Variants in CCPG1 observed in about 807,000 individuals in gnomAD.
CCPG1 encodes cell cycle progression protein 1.
In CCPG1, 46 loss-of-function variants were observed where a neutral mutation model predicts 81.3. The observed-to-expected ratio is 0.57, with a 90% CI of 0.45 to 0.72. The LOEUF (loss-of-function observed/expected upper bound fraction) is 0.72. Ranked by LOEUF, CCPG1 falls within the 30% of genes least tolerant of loss-of-function variation. The pLI, the probability that CCPG1 is intolerant of heterozygous loss-of-function variation, is 0.00. For missense variants in CCPG1, 902 were observed against 937.6 expected, an observed-to-expected ratio of 0.96 and a Z score of 0.50; for synonymous variants, 330 against 305.2, an observed-to-expected ratio of 1.08 and a Z score of -0.85.
At chr15:55,408,132 G>T (rs1454905338) in intron 1 of CCPG1, 89 bp downstream of exon 1, 1 of 152,640 alleles carries the variant, frequency 6.6e-6, no homozygotes, top group Non-Finnish European at 1.5e-5. Flanking sequence ...CCCCGCCACT[G>T]CTCCTCTACT....
chr15:55,401,660 C>T (rs2057131733), intron 1 of CCPG1, among the ~76,000 whole-genome samples: 1 of 76,084 alleles, frequency 1.3e-5, no homozygotes, highest in Non-Finnish European at 2.4e-5. Context: ...AATGAAACTC[C>T]GTCTCAAAAA....
intron 1 of CCPG1, among the ~76,000 whole-genome samples, chr15:55,391,593 A>C (rs1034995836): frequency 2.6e-5 from 4 of 152,214 alleles, no homozygotes; most frequent in African/African-American, 9.6e-5. Flanking sequence ...GGAAAGGAGA[A>C]TGATCAAGGA....
intron 6 of CCPG1, 149 bp downstream of exon 6, chr15:55,371,644 G>A (rs929586066): frequency 1.1e-5 from 8 of 697,012 alleles, no homozygotes; most frequent in South Asian, 4.4e-5. Flanking sequence ...CCCACTTCCC[G>A]AATGAGAAAA....
At chr15:55,374,308 G>A (rs544852468) in intron 5 of CCPG1, 75 of 853,400 alleles carry the variant, frequency 8.8e-5, no homozygotes, top group Middle Eastern at 8.2e-4. Flanking sequence ...AGACTAAAAA[G>A]AAAAAAAAGA....
At chr15:55,400,149 G>A (rs2057099748) in intron 1 of CCPG1, among the ~76,000 whole-genome samples, 1 of 138,504 alleles carries the variant, frequency 7.2e-6, no homozygotes, top group South Asian at 2.3e-4. Context: ...AGTGGAGGTT[G>A]CACTGAGCCG....
At chr15:55,384,269 G>A (rs947104492) in intron 3 of CCPG1, among the ~76,000 whole-genome samples, 33 of 152,098 alleles carry the variant, frequency 2.2e-4, no homozygotes, top group Admixed American at 1.8e-3. Context: ...TCATAGGCAC[G>A]GTTCATGGTG....
At chr15:55,401,810 A>G (rs1173093545) in intron 1 of CCPG1, among the ~76,000 whole-genome samples, 1 of 152,206 alleles carries the variant, frequency 6.6e-6, no homozygotes, top group African/African-American at 2.4e-5. Context: ...TATTCTGTAC[A>G]ATAAAGACAC....
chr15:55,358,711 T>A (rs760320904), intron 8 of CCPG1: 113 of 985,334 alleles, frequency 1.1e-4, no homozygotes, highest in Non-Finnish European at 1.3e-4. Flanking sequence ...TTAATTTCAT[T>A]TATTTACTTA....
At position 55,360,131 on chromosome 15, in the gene CCPG1, C is replaced by A; in HGVS notation, c.1642G>T (p.Gly548Cys). The change falls in exon 8 of 9, where the codon GGT becomes TGT. Residue 548 changes from glycine (G) to cysteine (C), a missense_variant. By Grantham distance (159) the Gly-to-Cys change is radical (BLOSUM62 -3). Around this residue, in one of 3 missense-constraint regions of CCPG1, gnomAD observed 746 missense variants for 728.6 expected, o/e 1.02. Coordinates refer to ENST00000442196, the MANE Select transcript of CCPG1 (RefSeq NM_001204450.2). ...DTTKNIFDEK[G>C]NKRFGATKEA... ...TTTGTAGCACCAAATCTTTTATTAC[C>A]CTTTTCATCAAAGATATTCTTGGTG... is the stretch of plus-strand genomic sequence containing the variant. 6.2e-7 allele frequency: 1 copy of A among 1,613,028 alleles called. No homozygotes were observed. The highest frequency in any genetic ancestry group is 8.5e-7 in the Non-Finnish European group (1 of 1,179,742).
rs2056459529 is a variant in CCPG1, at chr15:55,372,013, T to C, written c.486A>G (p.Ser162=). 6.2e-7 allele frequency: 1 copy of C among 1,614,004 alleles called. No homozygotes were observed. Among genetic ancestry groups the C allele is most frequent in the African/African-American group, 1.3e-5 (1 of 75,042 alleles). ...VFSSQPSDDE[S]SSDETSNQPS... ...GCTGATTACTGGTTTCATCACTACTTGATTCATCGTCACTAGGCTGAGATG... is the reference window on the plus strand; with the variant it reads ...GCTGATTACTGGTTTCATCACTACTCGATTCATCGTCACTAGGCTGAGATG... The change falls in exon 6 of 9, where the codon TCA becomes TCG. Residue 162 remains serine (S), a synonymous_variant. Transcript: ENST00000442196.
In CCPG1 at chr15:55,408,293, A is replaced by G. The variant is rs58223678; in HGVS notation, c.-82T>C. The G allele has an allele frequency of 0.021, 3,197 of 154,112 alleles. 99 individuals are homozygous for G. The highest frequency in any genetic ancestry group is 0.07 in the African/African-American group (2,895 of 41,616). 9.5% of individuals were successfully genotyped at this position (154,112 alleles called of 1,614,324 possible). On this transcript the variant is annotated 5_prime_UTR_variant, in exon 1 of 9. Transcript: ENST00000442196. ...GGCGGCGGTCACAGCTCGGGCGCCA[A>G]TGACGCCTCTTATAAAAACAACCTG...
chr15:55,375,574 A>G (rs2056548145), intron 5 of CCPG1, among the ~76,000 whole-genome samples: 1 of 152,240 alleles, frequency 6.6e-6, no homozygotes, highest in Admixed American at 6.5e-5. Flanking sequence ...CAAGAATGTC[A>G]CATGAATATT....
rs373089297 is a variant in CCPG1, at chr15:55,377,959, T to C, written c.252+341A>G. On this transcript the variant is annotated intron_variant, in intron 4 of 8. Coordinates refer to ENST00000442196, the MANE Select transcript of CCPG1 (RefSeq NM_001204450.2). ...ATGATCATCTAGCTATCTAGTTTTA[T>C]ACAGAAGTCAAGTAAAACCCCAAAG... Among the ~76,000 whole-genome samples, 10 of 152,366 alleles carry C rather than the reference T, an allele frequency of 6.6e-5. No homozygotes were observed. In the East Asian group the frequency reaches 1.5e-3, roughly 23 times the overall value.
rs1050086826 is a variant in CCPG1 at position 55,385,542 on chromosome 15, T to TCTTTC, written c.175+57_175+58insGAAAG. The TCTTTC allele has an allele frequency of 1.6e-4, 132 of 833,126 alleles. No homozygotes were observed. In the African/African-American group the frequency reaches 2.0e-3, roughly 12 times the overall value. 51.6% of individuals were successfully genotyped at this position (833,126 alleles called of 1,614,324 possible). A position where few individuals can be genotyped will look rare whatever the true frequency, so the allele number is the denominator to read the frequency against. ...CACCCACCTGGAAAGAAGGCAAGAC[T>TCTTTC]CATAATATCACTCATATATCATATT... On this transcript the variant is annotated intron_variant, in intron 3 of 8. Coordinates refer to ENST00000442196, the MANE Select transcript of CCPG1 (RefSeq NM_001204450.2).
chr15:55,380,740 C>T (rs979757297), intron 3 of CCPG1, among the ~76,000 whole-genome samples: 25 of 152,116 alleles, frequency 1.6e-4, no homozygotes, highest in African/African-American at 5.8e-4. Context: ...TGGGGCCAGG[C>T]GCGGTGACTC....
At chr15:55,392,707 G>A (rs1412476317) in intron 1 of CCPG1, among the ~76,000 whole-genome samples, 7 of 152,230 alleles carry the variant, frequency 4.6e-5, no homozygotes, top group African/African-American at 1.7e-4. Flanking sequence ...TGTAAAGACA[G>A]GGTTTTGCCA....
intron 1 of CCPG1, among the ~76,000 whole-genome samples, chr15:55,391,680 G>T (rs1438473564): frequency 1.3e-5 from 2 of 151,986 alleles, no homozygotes; most frequent in East Asian, 3.9e-4. Flanking sequence ...TAAAAATTGA[G>T]ATACTACATT....
At chr15:55,400,733 A>G (rs1305948711) in intron 1 of CCPG1, among the ~76,000 whole-genome samples, 2 of 152,128 alleles carry the variant, frequency 1.3e-5, no homozygotes, top group Non-Finnish European at 2.9e-5. Flanking sequence ...AAAATAATAA[A>G]TTCCTTAATC....
Position 55,360,443 on chromosome 15 carries a change from G to A in CCPG1, c.1330C>T (p.Arg444Cys), listed in dbSNP as rs757092396. The A allele has an allele frequency of 6.8e-6, 11 of 1,613,782 alleles. No homozygotes were observed. Among genetic ancestry groups the A allele is most frequent in the South Asian group, 1.1e-5 (1 of 91,086 alleles). Residue 444 changes from arginine (R) to cysteine (C), a missense_variant, in exon 8 of 9, where the codon CGT (arginine) becomes TGT (cysteine). Physicochemically the swap from Arg to Cys is radical, Grantham distance 180 (BLOSUM62 -3). Around this residue, in one of 3 missense-constraint regions of CCPG1, gnomAD observed 746 missense variants for 728.6 expected, o/e 1.02. Coordinates refer to ENST00000442196, the MANE Select transcript of CCPG1 (RefSeq NM_001204450.2). The stretch of plus-strand genomic sequence containing the variant: ...TACAATCTTTCCCACAAATCAGAAC[G>A]CTGCTGTTCGAAGGTTAGCTTCCGT... ...LERKLTFEQQ[R>C]SDLWERLYVE...
Sources: allele counts gnomAD v4.1 joint callset (sites outside exome capture counted in the v4.1 genomes callset), GRCh38; gene constraint gnomAD v4.1.1; regional missense constraint gnomAD v4.1.1; transcripts MANE v1.5; gene names NCBI Gene and HGNC (gene_info 2026-07-23, HGNC 2026-07-21).